RNF144A: variants seen among roughly 807,000 people sequenced by gnomAD.
RNF144A encodes the protein ring finger protein 144A, also known as E3 ubiquitin-protein ligase RNF144A.
Under a neutral mutation model 38.7 loss-of-function variants are expected in RNF144A, and 11 were observed. That is an observed-to-expected ratio of 0.28 (90% CI 0.18 to 0.47). The LOEUF is 0.47. RNF144A is among the 20% of genes least tolerant of loss of function. The pLI is 0.99. For missense variants in RNF144A, 316 were observed against 377.2 expected (o/e 0.84, Z 1.34); for synonymous variants, 149 against 143.9 (o/e 1.04, Z -0.25).
intron 1 of RNF144A, among the ~76,000 whole-genome samples, chr2:6,920,380 A>G (rs988038293): frequency 6.6e-6 from 1 of 152,230 alleles, no homozygotes; most frequent in Non-Finnish European, 1.5e-5. Context: ...CCCAGGCCAC[A>G]TGAAAAGCTG....
intron 8 of RNF144A, among the ~76,000 whole-genome samples, chr2:7,036,680 T>C (rs1330049868): frequency 6.6e-6 from 1 of 152,230 alleles, no homozygotes; most frequent in Non-Finnish European, 1.5e-5. Flanking sequence ...AATCCAGGGA[T>C]CAAATATGAT....
In RNF144A at chr2:7,029,876, A is replaced by C. The variant is rs142971293; in HGVS notation, c.658-250A>C. On this transcript the variant is annotated intron_variant, in intron 7 of 8. Transcript: ENST00000320892. Reference sequence around the variant, plus strand: ...GGGCTGGGCCTGAAGTCTGGTCCAAAGCTCCCTCTAGAGCCCGAGGCTGTG... The same window carrying C: ...GGGCTGGGCCTGAAGTCTGGTCCAACGCTCCCTCTAGAGCCCGAGGCTGTG... 4.2e-3 allele frequency among the ~76,000 whole-genome samples: 645 copies of C among 152,322 alleles called. 7 individuals carry two copies. Among genetic ancestry groups the C allele is most frequent in the Non-Finnish European group, 3.7e-3 (255 of 68,028 alleles).
intron 3 of RNF144A, among the ~76,000 whole-genome samples, chr2:7,000,982 A>G (rs1466199017): frequency 1.3e-5 from 2 of 152,110 alleles, no homozygotes; most frequent in African/African-American, 4.8e-5. Context: ...TTTGATATAT[A>G]ACCGTAGAAA....
At chr2:7,022,622 T>G (rs1671609241) in intron 6 of RNF144A, among the ~76,000 whole-genome samples, 1 of 152,170 alleles carries the variant, frequency 6.6e-6, no homozygotes, top group South Asian at 2.1e-4. Context: ...GAAAATTGGT[T>G]TCTTAGCTTT....
chr2:7,018,981 G>A (rs1042003013), intron 5 of RNF144A, among the ~76,000 whole-genome samples: 1 of 152,098 alleles, frequency 6.6e-6, no homozygotes, highest in Non-Finnish European at 1.5e-5. Context: ...GTGGCCTGCT[G>A]CTGTCAAGTT....
chr2:7,075,375 T>C, the RNF144A span, among the ~76,000 whole-genome samples: 4 of 152,002 alleles, frequency 2.6e-5, no homozygotes, highest in African/African-American at 9.7e-5. Context: ...AGTGTTAGCA[T>C]TTTTATGACA....
rs78311002 is a variant in RNF144A, at chr2:7,061,327, G to A, written c.735-6889G>A. 4.2e-3 allele frequency among the ~76,000 whole-genome samples: 635 copies of A among 152,286 alleles called. 5 individuals carry two copies. The highest frequency in any genetic ancestry group is 0.015 in the African/African-American group (613 of 41,550). On this transcript the variant is annotated intron_variant, in intron 6 of 6. Transcript: ENST00000432850. Reference sequence around the variant, plus strand: ...ATGTCAGCACAGAGCTCTCATGGGAGCCTAGCATTCCCACCAGGCTTCAGC... The same window carrying A: ...ATGTCAGCACAGAGCTCTCATGGGAACCTAGCATTCCCACCAGGCTTCAGC...
chr2:7,074,291 C>T, the RNF144A span, among the ~76,000 whole-genome samples: 2 of 152,102 alleles, frequency 1.3e-5, no homozygotes, highest in Non-Finnish European at 2.9e-5. Flanking sequence ...GGCCTGCCTA[C>T]CCACCCACCC....
intron 3 of RNF144A, among the ~76,000 whole-genome samples, chr2:7,008,250 C>A (rs1014310729): frequency 2.6e-5 from 4 of 152,236 alleles, no homozygotes; most frequent in South Asian, 2.1e-4. Flanking sequence ...TCCTTTTTGG[C>A]AGCGGGTGCG....
chr2:7,040,349 A>G lies in RNF144A; in HGVS notation c.*589A>G. 1.0e-5 allele frequency: 10 copies of G among 985,452 alleles called. No individual in the cohort carries two copies. The highest frequency in any genetic ancestry group is 1.1e-5 in the Non-Finnish European group (9 of 829,962). 61.0% of individuals were successfully genotyped at this position (985,452 alleles called of 1,614,324 possible). ...CATTTTAAGAAGTTATAGTTAAACGACTTTTCAGGAGATTTAGAAAGCCTT... is the reference window on the plus strand; with the variant it reads ...CATTTTAAGAAGTTATAGTTAAACGGCTTTTCAGGAGATTTAGAAAGCCTT... On this transcript the variant is annotated 3_prime_UTR_variant, in exon 9 of 9. Coordinates refer to ENST00000320892, the MANE Select transcript of RNF144A (RefSeq NM_014746.6).
At chr2:6,936,448 T>C (rs1042829873) in intron 1 of RNF144A, among the ~76,000 whole-genome samples, 10 of 152,180 alleles carry the variant, frequency 6.6e-5, no homozygotes, top group East Asian at 1.9e-4. Context: ...TTCTGAAGGT[T>C]TTGAGTGGTT....
chr2:6,992,992 A>G (rs971649648), intron 2 of RNF144A, among the ~76,000 whole-genome samples: 1 of 152,252 alleles, frequency 6.6e-6, no homozygotes, highest in Non-Finnish European at 1.5e-5. Context: ...TTAGGAAAAC[A>G]AAGACTGTGC....
At chr2:6,977,911 C>CG (rs1558400114) in intron 2 of RNF144A, among the ~76,000 whole-genome samples, 1 of 152,054 alleles carries the variant, frequency 6.6e-6, no homozygotes, top group South Asian at 2.1e-4. Context: ...TAGTGAGTGT[C>CG]GGGGGGAGCT....
At chr2:6,921,678 G>A (rs897091800) in intron 1 of RNF144A, among the ~76,000 whole-genome samples, 5 of 152,332 alleles carry the variant, frequency 3.3e-5, no homozygotes, top group South Asian at 2.1e-4. Flanking sequence ...AGATTGAACC[G>A]TGGGGTCAGG....
intron 7 of RNF144A, among the ~76,000 whole-genome samples, chr2:7,028,205 A>G (rs139030150): frequency 3.3e-5 from 5 of 152,344 alleles, no homozygotes; most frequent in African/African-American, 1.2e-4. Context: ...CAGAGAGGAC[A>G]GAATGTGCTG....
intron 2 of RNF144A, among the ~76,000 whole-genome samples, chr2:6,946,370 A>G (rs573446649): frequency 1.6e-4 from 25 of 152,340 alleles, no homozygotes; most frequent in African/African-American, 6.0e-4. Context: ...AACATAATTC[A>G]GTCACCTCAA....
chr2:7,027,981 G>T (rs1202092901), intron 7 of RNF144A, among the ~76,000 whole-genome samples: 2 of 135,480 alleles, frequency 1.5e-5, no homozygotes, highest in Admixed American at 7.5e-5. Flanking sequence ...AGATGAGGGT[G>T]GGGGGCGGGG....
intron 1 of RNF144A, among the ~76,000 whole-genome samples, chr2:6,934,686 G>C (rs971659217): frequency 6.6e-6 from 1 of 152,028 alleles, no homozygotes. Flanking sequence ...TCTGAAAACT[G>C]TTTAGTGAAT....
At chr2:7,024,558 G>A in intron 7 of RNF144A, 42 bp downstream of exon 7, 2 of 1,574,890 alleles carry the variant, frequency 1.3e-6, no homozygotes, top group Non-Finnish European at 1.7e-6. Context: ...ATTTAGCTTT[G>A]AGGTTTAGAT....
Sources: gnomAD v4.1 joint callset for allele counts (sites outside exome capture counted in the v4.1 genomes callset) on GRCh38, gnomAD v4.1.1 for gene constraint, MANE v1.5 for transcripts, NCBI Gene and HGNC (gene_info 2026-07-23, HGNC 2026-07-21) for gene names.